The following LDLRAD4 variants were observed in gnomAD, a reference collection of about 807,000 sequenced individuals.
The protein encoded by LDLRAD4 is low density lipoprotein receptor class A domain containing 4.
LDLRAD4 carries 5 observed loss-of-function variants against 17.0 expected under a neutral mutation model. That is an observed-to-expected ratio of 0.29 (90% CI 0.15 to 0.62). LDLRAD4 has a LOEUF of 0.62. LDLRAD4 is among the 20% of genes least tolerant of loss of function. LDLRAD4 has a pLI of 0.84. For missense variants in LDLRAD4, 340 were observed against 424.7 expected, an observed-to-expected ratio of 0.80 and a Z score of 1.75; for synonymous variants, 168 against 171.8, an observed-to-expected ratio of 0.98 and a Z score of 0.17.
intron 4 of LDLRAD4, among the ~76,000 whole-genome samples, chr18:13,640,443 C>T (rs1361444174): frequency 1.3e-5 from 2 of 152,290 alleles, no homozygotes; most frequent in East Asian, 1.9e-4. Flanking sequence ...CAGGCCATCC[C>T]GTCTGGCAGA....
At chr18:13,512,387 A>G (rs1770739554) in intron 3 of LDLRAD4, among the ~76,000 whole-genome samples, 1 of 152,214 alleles carries the variant, frequency 6.6e-6, no homozygotes, top group Admixed American at 6.5e-5. Flanking sequence ...ATCTCAAAAC[A>G]GGAACATCCC....
chr18:13,568,758 C>A (rs902313021), intron 3 of LDLRAD4, among the ~76,000 whole-genome samples: 4 of 152,184 alleles, frequency 2.6e-5, no homozygotes, highest in Non-Finnish European at 4.4e-5. Context: ...TAGACAGACC[C>A]CGTGGTTAGA....
intron 3 of LDLRAD4, among the ~76,000 whole-genome samples, chr18:13,446,433 T>A: frequency 6.6e-6 from 1 of 152,206 alleles, no homozygotes; most frequent in East Asian, 1.9e-4. Flanking sequence ...CAGAGGATGA[T>A]TGTTTTCAAT....
At chr18:13,480,209 GAC>G (rs1266174886) in intron 3 of LDLRAD4, among the ~76,000 whole-genome samples, 2 of 152,224 alleles carry the variant, frequency 1.3e-5, no homozygotes, top group African/African-American at 2.4e-5. Flanking sequence ...GGTACATCCA[GAC>G]AATGAAGTAT....
At chr18:13,521,502 A>G (rs568542049) in intron 3 of LDLRAD4, 2 of 152,266 alleles carry the variant, frequency 1.3e-5, no homozygotes, top group East Asian at 1.9e-4. Context: ...CTCTCTGAGT[A>G]CCTGTGCTGG....
intron 3 of LDLRAD4, among the ~76,000 whole-genome samples, chr18:13,569,945 A>G (rs763393888): frequency 5.3e-5 from 8 of 152,212 alleles, no homozygotes; most frequent in Non-Finnish European, 7.4e-5. Context: ...GAAGTTATTT[A>G]TATTTAGTTT....
chr18:13,406,514 C>T (rs1188973034), intron 2 of LDLRAD4, among the ~76,000 whole-genome samples: 2 of 152,172 alleles, frequency 1.3e-5, no homozygotes, highest in African/African-American at 2.4e-5. Context: ...TCTGCCCCGT[C>T]GATGCCGTGG....
intron 1 of LDLRAD4, among the ~76,000 whole-genome samples, chr18:13,357,742 T>C (rs1039593564): frequency 1.1e-4 from 16 of 152,232 alleles, no homozygotes; most frequent in African/African-American, 3.4e-4. Flanking sequence ...TTTTTACTTA[T>C]TGGCTGGAAC....
At chr18:13,424,475 GA>G (rs1478882852) in intron 2 of LDLRAD4, among the ~76,000 whole-genome samples, 2 of 152,142 alleles carry the variant, frequency 1.3e-5, no homozygotes, top group Non-Finnish European at 1.5e-5. Flanking sequence ...CATTTAAGTT[GA>G]AGCAACTATT....
At chr18:13,588,193 C>G (rs773656139) in intron 3 of LDLRAD4, among the ~76,000 whole-genome samples, 4 of 152,222 alleles carry the variant, frequency 2.6e-5, no homozygotes, top group Non-Finnish European at 4.4e-5. Context: ...AAGCTGAAAG[C>G]TGGTGACATG....
intron 1 of LDLRAD4, among the ~76,000 whole-genome samples, chr18:13,361,799 G>C (rs148503900): frequency 1.3e-5 from 2 of 152,304 alleles, no homozygotes; most frequent in East Asian, 3.9e-4. Flanking sequence ...CATGATGTCA[G>C]CTGCATTCTT....
intron 1 of LDLRAD4, among the ~76,000 whole-genome samples, chr18:13,338,233 C>T (rs529341483): frequency 1.3e-5 from 2 of 152,168 alleles, no homozygotes; most frequent in East Asian, 1.9e-4. Context: ...TTTCTATTCT[C>T]CCTTGATTTT....
At chr18:13,561,913 G>A (rs2094545461) in intron 3 of LDLRAD4, 1 of 152,062 alleles carries the variant, frequency 6.6e-6, no homozygotes, top group African/African-American at 2.4e-5. Flanking sequence ...AAACCTAAAA[G>A]AAAAACCAAA....
intron 3 of LDLRAD4, among the ~76,000 whole-genome samples, chr18:13,573,343 G>A (rs1483400669): frequency 1.3e-5 from 2 of 151,126 alleles, no homozygotes; most frequent in Non-Finnish European, 1.5e-5. Flanking sequence ...GGCCTCAGGT[G>A]TTCTGCCCAC....
chr18:13,355,124 T>A (rs946248946), intron 1 of LDLRAD4, among the ~76,000 whole-genome samples: 6 of 152,248 alleles, frequency 3.9e-5, no homozygotes, highest in Non-Finnish European at 5.9e-5. Context: ...GGTACAGCAT[T>A]GCAGAGGGCC....
At chr18:13,540,249 A>G (rs2094257568) in intron 3 of LDLRAD4, among the ~76,000 whole-genome samples, 1 of 152,248 alleles carries the variant, frequency 6.6e-6, no homozygotes, top group South Asian at 2.1e-4. Flanking sequence ...AGAAATTGAG[A>G]TCCCCGTAAT....
intron 4 of LDLRAD4, chr18:13,642,510 C>G: frequency 8.2e-7 from 1 of 1,225,446 alleles, no homozygotes; most frequent in Admixed American, 4.3e-5. Flanking sequence ...GCTAACTCAC[C>G]AGATGTGAAG....
chr18:13,623,737 CT>C (rs1281395837), intron 4 of LDLRAD4, among the ~76,000 whole-genome samples: 1 of 152,214 alleles, frequency 6.6e-6, no homozygotes, highest in Non-Finnish European at 1.5e-5. Flanking sequence ...AGACTCAGGC[CT>C]TGCTAATACT....
intron 1 of LDLRAD4, among the ~76,000 whole-genome samples, chr18:13,328,493 G>A (rs897195028): frequency 3.3e-5 from 5 of 152,230 alleles, no homozygotes; most frequent in Admixed American, 6.5e-5. Flanking sequence ...CAGCCTGTCA[G>A]AAGAGCCACC....
Sources: allele counts gnomAD v4.1 joint callset (sites outside exome capture counted in the v4.1 genomes callset), GRCh38; gene constraint gnomAD v4.1.1; transcripts MANE v1.5; gene names NCBI Gene and HGNC (gene_info 2026-07-23, HGNC 2026-07-21).